Variants in CNTNAP2 observed in about 807,000 individuals in gnomAD.
CNTNAP2 encodes the protein contactin associated protein 2.
Under a neutral mutation model 155.2 loss-of-function variants are expected in CNTNAP2, and 98 were observed. The ratio of observed to expected loss-of-function variants is 0.63; its 90% CI spans 0.54 to 0.75. The LOEUF (loss-of-function observed/expected upper bound fraction) is 0.75. Among genes scored for constraint, CNTNAP2 ranks in the 30% least tolerant of loss-of-function variants. CNTNAP2 has a pLI of 0.00. For synonymous variants in CNTNAP2, 651 were observed against 631.2 expected, an observed-to-expected ratio of 1.03 and a Z score of -0.47; for missense variants, 1,727 against 1,688.1, an observed-to-expected ratio of 1.02 and a Z score of -0.40.
intron 11 of CNTNAP2, among the ~76,000 whole-genome samples, chr7:147,525,150 T>C (rs1175889453): frequency 6.6e-6 from 1 of 152,232 alleles, no homozygotes; most frequent in Non-Finnish European, 1.5e-5. Flanking sequence ...GCTTAACATA[T>C]TTGTTTTGAC....
At chr7:147,301,072 AG>A (rs1258050418) in intron 9 of CNTNAP2, among the ~76,000 whole-genome samples, 5 of 152,188 alleles carry the variant, frequency 3.3e-5, no homozygotes, top group African/African-American at 1.2e-4. Flanking sequence ...CCACAGTTAA[AG>A]GAAGGGGATT....
chr7:148,347,733 C>T (rs1184739619), intron 21 of CNTNAP2, among the ~76,000 whole-genome samples: 1 of 152,138 alleles, frequency 6.6e-6, no homozygotes, highest in East Asian at 1.9e-4. Context: ...GCTCAGAGAC[C>T]AACATAGAGA....
Position 146,796,932 on chromosome 7 carries a change from C to T in CNTNAP2, c.208+22551C>T, listed in dbSNP as rs868302599. 5.3e-5 allele frequency among the ~76,000 whole-genome samples: 8 copies of T among 151,966 alleles called. No individual in the cohort carries two copies. In the South Asian group the frequency reaches 6.2e-4, roughly 12 times the overall value. On this transcript the variant is annotated intron_variant, in intron 2 of 23. Transcript: ENST00000361727. The stretch of plus-strand genomic sequence containing the variant: ...CAGGCAGATCACGAGGTCAGGAGAT[C>T]GAGACCATTCTGTCTAAGACCGTGA...
intron 18 of CNTNAP2, among the ~76,000 whole-genome samples, chr7:148,213,830 C>T (rs556870935): frequency 2.6e-5 from 4 of 152,334 alleles, no homozygotes; most frequent in African/African-American, 9.6e-5. Context: ...CTCTGAACTA[C>T]TGAGGGCAGG....
intron 3 of CNTNAP2, among the ~76,000 whole-genome samples, chr7:147,033,156 A>ATG (rs1563051435): frequency 4.1e-5 from 3 of 73,494 alleles, no homozygotes; most frequent in African/African-American, 1.6e-4. Context: ...GCATATATAT[A>ATG]TATGTATATA....
intron 8 of CNTNAP2, among the ~76,000 whole-genome samples, chr7:147,234,498 C>T: frequency 6.6e-6 from 1 of 151,880 alleles, no homozygotes; most frequent in Non-Finnish European, 1.5e-5. Context: ...ACACCATGCC[C>T]AGCTAATTGT....
intron 2 of CNTNAP2, among the ~76,000 whole-genome samples, chr7:146,785,219 C>A (rs942368865): frequency 2.0e-5 from 3 of 151,930 alleles, no homozygotes; most frequent in Non-Finnish European, 4.4e-5. Context: ...AGTGATCTAC[C>A]CACCTTGGCC....
chr7:147,235,639 AT>A (rs1403135273), intron 8 of CNTNAP2, among the ~76,000 whole-genome samples: 1 of 151,972 alleles, frequency 6.6e-6, no homozygotes, highest in East Asian at 1.9e-4. Flanking sequence ...TCTCGCTTCT[AT>A]TTTTTCACAC....
At chr7:147,801,714 T>C (rs1022563871) in intron 13 of CNTNAP2, among the ~76,000 whole-genome samples, 3 of 152,170 alleles carry the variant, frequency 2.0e-5, no homozygotes, top group Non-Finnish European at 2.9e-5. Flanking sequence ...AAGTCTCCCA[T>C]GTCTACTTCT....
In CNTNAP2 at chr7:147,485,918, G is replaced by GTC. The variant is rs750335827; in HGVS notation, c.1671-7_1671-6dup. 44 of 1,610,634 alleles carry GTC rather than the reference G, an allele frequency of 2.7e-5. No individual in the cohort carries two copies. The highest frequency in any genetic ancestry group is 3.5e-5 in the Non-Finnish European group (41 of 1,177,020). The stretch of plus-strand genomic sequence containing the variant: ...TTTGTTTGTTGGTTTATTTCTGTTT[G>GTC]TCTCTCTCTCTGACAGATGTGTGCC... On this transcript the variant is annotated splice_polypyrimidine_tract_variant and intron_variant, in intron 10 of 23. Coordinates refer to ENST00000361727, the MANE Select transcript of CNTNAP2 (RefSeq NM_014141.6).
chr7:147,590,242 G>A (rs912351597), intron 12 of CNTNAP2, among the ~76,000 whole-genome samples: 5 of 151,754 alleles, frequency 3.3e-5, no homozygotes, highest in Admixed American at 1.3e-4. Context: ...TTGATAGCCT[G>A]TTACATGCCA....
At chr7:147,978,506 T>C (rs1319341666) in intron 15 of CNTNAP2, among the ~76,000 whole-genome samples, 1 of 152,212 alleles carries the variant, frequency 6.6e-6, no homozygotes. Context: ...TTGTTTCTGT[T>C]AACTATGTCT....
intron 13 of CNTNAP2, among the ~76,000 whole-genome samples, chr7:147,812,787 G>T (rs1798201929): frequency 6.6e-6 from 1 of 152,140 alleles, no homozygotes; most frequent in Admixed American, 6.6e-5. Flanking sequence ...GGCTGGCTAT[G>T]GGTAATGGAA....
At chr7:146,655,856 TAAATA>T (rs1799988170) in intron 1 of CNTNAP2, among the ~76,000 whole-genome samples, 1 of 152,194 alleles carries the variant, frequency 6.6e-6, no homozygotes, top group Admixed American at 6.5e-5. Flanking sequence ...TCCTCTTGAT[TAAATA>T]AAATAAAATT....
chr7:148,278,502 G>A (rs2116456562), intron 21 of CNTNAP2, among the ~76,000 whole-genome samples: 1 of 150,804 alleles, frequency 6.6e-6, no homozygotes, highest in African/African-American at 2.4e-5. Flanking sequence ...CCCAGGAGGT[G>A]GAGCTTGCAG....
At chr7:147,592,436 T>A (rs1205029165) in intron 12 of CNTNAP2, among the ~76,000 whole-genome samples, 10 of 150,344 alleles carry the variant, frequency 6.7e-5, no homozygotes, top group Admixed American at 4.0e-4. Flanking sequence ...CACCAATAAT[T>A]ACTAAAAATA....
At chr7:146,334,593 T>G (rs892164582) in intron 1 of CNTNAP2, among the ~76,000 whole-genome samples, 38 of 152,198 alleles carry the variant, frequency 2.5e-4, no homozygotes, top group African/African-American at 8.9e-4. Context: ...ATGCCATTTT[T>G]TTTTTCTGTA....
chr7:146,951,741 T>G (rs1797317506), intron 3 of CNTNAP2, among the ~76,000 whole-genome samples: 1 of 152,156 alleles, frequency 6.6e-6, no homozygotes, highest in Admixed American at 6.6e-5. Context: ...TTCTCCAGCT[T>G]TGTTCTTTTT....
chr7:147,801,535 A>C (rs1346360490), intron 13 of CNTNAP2, among the ~76,000 whole-genome samples: 2 of 151,792 alleles, frequency 1.3e-5, no homozygotes, highest in Non-Finnish European at 2.9e-5. Flanking sequence ...CTTAACGAGC[A>C]TGCTGCCTTC....
Sources: gnomAD v4.1 joint callset for allele counts (sites outside exome capture counted in the v4.1 genomes callset) on GRCh38, gnomAD v4.1.1 for gene constraint, MANE v1.5 for transcripts, NCBI Gene and HGNC (gene_info 2026-07-23, HGNC 2026-07-21) for gene names.